The following ABCC5 variants were observed in gnomAD, a reference collection of about 807,000 sequenced individuals.
The protein encoded by ABCC5 is ATP binding cassette subfamily C member 5, also known as ATP-binding cassette sub-family C member 5.
In ABCC5, 61 loss-of-function variants were observed where a neutral mutation model predicts 160.9. The observed-to-expected ratio is 0.38, with a 90% CI of 0.31 to 0.47. The LOEUF (loss-of-function observed/expected upper bound fraction) is 0.47. Among genes scored for constraint, ABCC5 ranks in the 20% least tolerant of loss-of-function variants. The probability of loss-of-function intolerance (pLI) is 0.99; values close to 1 mark genes in which losing one functional copy is unlikely to be tolerated. For missense variants in ABCC5, 1,308 were observed against 1,813.3 expected (o/e 0.72, Z 5.06); for synonymous variants, 666 against 700.6 (o/e 0.95, Z 0.78).
chr3:184,010,506 A>G (rs1721638273), intron 2 of ABCC5: 1 of 152,322 alleles, frequency 6.6e-6, no homozygotes. Context: ...CGTAGAGGAA[A>G]AGCTCGCTGC....
chr3:183,949,785 G>C lies in ABCC5; in HGVS notation c.3195C>G (p.His1065Gln). The change falls in exon 22 of 30, where the codon CAC becomes CAG. Residue 1065 changes from histidine (H) to glutamine (Q), a missense_variant. His to Gln is a conservative substitution (Grantham distance 24). This residue lies in a region of ABCC5 where 1,142 missense variants were observed against 1,527.1 expected (regional missense o/e 0.75). Coordinates refer to ENST00000334444, the MANE Select transcript of ABCC5 (RefSeq NM_005688.4). The surrounding 1 kb of genome is among the most constrained non-coding windows in gnomAD (Gnocchi z 4.2). ...GAAACTCCTGCCCTTTATTGTAGGCGTGGATGGTGGCAAGGCCCTGTATGC... is the reference window on the plus strand; with the variant it reads ...GAAACTCCTGCCCTTTATTGTAGGCCTGGATGGTGGCAAGGCCCTGTATGC... ...TSSIQGLATI[H>Q]AYNKGQEFLH... The C allele has an allele frequency of 1.2e-6, 2 of 1,614,190 alleles. No homozygotes were observed. Among genetic ancestry groups the C allele is most frequent in the Non-Finnish European group, 1.7e-6 (2 of 1,180,044 alleles).
intron 25 of ABCC5, among the ~76,000 whole-genome samples, chr3:183,941,122 A>G (rs533145051): frequency 1.1e-4 from 17 of 152,270 alleles, no homozygotes; most frequent in African/African-American, 3.9e-4. Context: ...GGCCTCCCAG[A>G]GTGCTGGGAT....
chr3:183,940,462 G>GAAAAAAAAAA (rs537025178), intron 25 of ABCC5, among the ~76,000 whole-genome samples: 3 of 64,620 alleles, frequency 4.6e-5, no homozygotes, highest in Non-Finnish European at 8.9e-5. Flanking sequence ...TCTGTCTCAG[G>GAAAAAAAAAA]AAAAAAAAAA....
intron 2 of ABCC5, among the ~76,000 whole-genome samples, chr3:184,010,912 C>T (rs1010911422): frequency 1.3e-5 from 2 of 151,390 alleles, no homozygotes; most frequent in African/African-American, 4.9e-5. Context: ...ATTCTCCTGC[C>T]TCAACCTCCC....
intron 17 of ABCC5, among the ~76,000 whole-genome samples, chr3:183,957,877 TCCGTGTGTATATCACATCGGTTACATGC>T: frequency 1.7e-5 from 2 of 119,952 alleles, no homozygotes; most frequent in African/African-American, 6.2e-5. Flanking sequence ...TACATGCGGA[TCCGTGTGTATATCACATCGGTTACATGC>T]GGATCCGTGT....
At chr3:183,941,740 T>G (rs1305171279) in intron 25 of ABCC5, among the ~76,000 whole-genome samples, 1 of 152,066 alleles carries the variant, frequency 6.6e-6, no homozygotes, top group Admixed American at 6.6e-5. Context: ...ATCCCAGCAC[T>G]TTCAGAGGCT....
At chr3:183,978,750 C>G in intron 8 of ABCC5, 99 bp from the exon 9 acceptor site, 1 of 1,308,478 alleles carries the variant, frequency 7.6e-7, no homozygotes, top group South Asian at 1.4e-5. Context: ...CTCCAGCCAC[C>G]CTTCAACACC....
chr3:183,957,811 G>A lies in ABCC5; in HGVS notation c.2482+1922C>T, dbSNP rs12630716. On this transcript the variant is annotated intron_variant, in intron 17 of 29. Coordinates refer to ENST00000334444, the MANE Select transcript of ABCC5 (RefSeq NM_005688.4). ...GTGTATATCACATCGGTTACACGCA[G>A]ATCCGTGTGTATATCACATCTGTTA... Among the ~76,000 whole-genome samples, 567 of 127,850 alleles carry A rather than the reference G, an allele frequency of 4.4e-3. 2 individuals carry two copies. The highest frequency in any genetic ancestry group is 0.011 in the East Asian group (38 of 3,590). The allele number at this position is 127,850 out of a possible 152,430, so 83.9% of individuals were successfully genotyped here. A position where few individuals can be genotyped will look rare whatever the true frequency, so the allele number is the denominator to read the frequency against.
intron 2 of ABCC5, among the ~76,000 whole-genome samples, chr3:184,002,223 T>A (rs1308991069): frequency 2.0e-5 from 3 of 151,496 alleles, no homozygotes; most frequent in African/African-American, 7.3e-5. Flanking sequence ...CATGGTGAAA[T>A]CCCGGTCTCT....
chr3:183,999,947 G>C (rs979893639), intron 2 of ABCC5, among the ~76,000 whole-genome samples: 1 of 152,098 alleles, frequency 6.6e-6, no homozygotes, highest in Non-Finnish European at 1.5e-5. Flanking sequence ...ATGGGGGACA[G>C]CCTCCATTTA....
chr3:183,943,143 G>C (rs1292936317), intron 24 of ABCC5, among the ~76,000 whole-genome samples: 1 of 152,170 alleles, frequency 6.6e-6, no homozygotes, highest in East Asian at 1.9e-4. Flanking sequence ...CAGCAGCCTG[G>C]GGAGGGAAGT....
chr3:184,008,271 C>A (rs1721403727), intron 2 of ABCC5, among the ~76,000 whole-genome samples: 1 of 152,014 alleles, frequency 6.6e-6, no homozygotes, highest in Admixed American at 6.6e-5. Flanking sequence ...ACACTGACTG[C>A]ATCTTAAAAA....
intron 18 of ABCC5, 149 bp from the exon 19 acceptor site, chr3:183,952,152 T>TTTTC (rs1715424726): frequency 1.5e-6 from 1 of 688,840 alleles, no homozygotes; most frequent in African/African-American, 1.8e-5. Context: ...CTCTTTTTTT[T>TTTTC]TTTTTTTTTT....
intron 10 of ABCC5, 43 bp downstream of exon 10, chr3:183,977,473 TG>T: frequency 1.4e-6 from 2 of 1,433,504 alleles, no homozygotes; most frequent in Non-Finnish European, 2.0e-6. Context: ...GTTAGTTGTG[TG>T]GGGAGGGCTC....
At chr3:183,940,571 G>A (rs930974781) in intron 25 of ABCC5, among the ~76,000 whole-genome samples, 3 of 151,712 alleles carry the variant, frequency 2.0e-5, no homozygotes, top group Middle Eastern at 3.2e-3. Context: ...CCTCTGGGCC[G>A]AGGCAGGGCT....
At chr3:183,932,030 C>T (rs142536528) in intron 26 of ABCC5, among the ~76,000 whole-genome samples, 6 of 152,200 alleles carry the variant, frequency 3.9e-5, no homozygotes, top group Non-Finnish European at 8.8e-5. Context: ...TAGCAATAGT[C>T]AACATTGACC....
chr3:183,960,586 G>A (rs1458260734), intron 16 of ABCC5, among the ~76,000 whole-genome samples: 3 of 152,114 alleles, frequency 2.0e-5, no homozygotes, highest in Non-Finnish European at 2.9e-5. Flanking sequence ...GCTTGTAAGA[G>A]CATAAAAGCA....
At chr3:183,968,030 C>T (rs147248856) in intron 11 of ABCC5, among the ~76,000 whole-genome samples, 36 of 152,206 alleles carry the variant, frequency 2.4e-4, no homozygotes, top group African/African-American at 8.2e-4. Flanking sequence ...CATTCTTAGG[C>T]CCAGCCTCTT....
chr3:183,958,038 C>A, intron 17 of ABCC5, among the ~76,000 whole-genome samples: 1 of 149,828 alleles, frequency 6.7e-6, no homozygotes, highest in East Asian at 2.0e-4. Flanking sequence ...ACATGCAGAT[C>A]CGTGTGTAAA....
Sources: allele counts gnomAD v4.1 joint callset (sites outside exome capture counted in the v4.1 genomes callset), GRCh38; gene constraint gnomAD v4.1.1; regional missense constraint gnomAD v4.1.1; non-coding constraint Gnocchi (gnomAD v3.1); transcripts MANE v1.5; gene names NCBI Gene and HGNC (gene_info 2026-07-23, HGNC 2026-07-21).